The following AGR3 variants were observed in gnomAD, a reference collection of about 807,000 sequenced individuals.
AGR3 encodes the protein anterior gradient protein 3.
AGR3 carries 37 observed loss-of-function variants against 24.5 expected under a neutral mutation model. The observed-to-expected ratio is 1.51, with a 90% CI of 1.16 to 1.99. The LOEUF is 1.99. AGR3 is among the 30% of genes most tolerant of loss of function. The pLI is 0.00. For synonymous variants in AGR3, 75 were observed against 61.6 expected, an observed-to-expected ratio of 1.22 and a Z score of -1.02; for missense variants, 228 against 191.1, an observed-to-expected ratio of 1.19 and a Z score of -1.14.
intron 3 of AGR3, chr7:16,864,296 T>C: frequency 1.5e-6 from 2 of 1,354,236 alleles, no homozygotes; most frequent in Non-Finnish European, 2.1e-6. Flanking sequence ...TCTTCTATTA[T>C]TATATTTTCT....
intron 2 of AGR3, among the ~76,000 whole-genome samples, chr7:16,877,858 G>A (rs1415511898): frequency 3.0e-4 from 13 of 42,642 alleles, no homozygotes; most frequent in African/African-American, 7.0e-4. Flanking sequence ...GCAAGACTCC[G>A]TCTCAAAAAA....
rs1248541920 is a variant in AGR3, at chr7:16,881,833, C to T, written c.-28+111G>A. The stretch of plus-strand genomic sequence containing the variant: ...AAAGAAGAAAAATAAAAATTCATTT[C>T]ACTTTCCTACCCTTTACTGAAAGCT... On this transcript the variant is annotated intron_variant, in intron 1 of 7. Coordinates refer to ENST00000310398, the MANE Select transcript of AGR3 (RefSeq NM_176813.5). 1.5e-5 allele frequency: 6 copies of T among 400,488 alleles called. No individual in the cohort carries two copies. The Admixed American group carries it at 1.5e-4, about 10-fold the overall frequency. The allele number at this position is 400,488 out of a possible 1,614,324, so 24.8% of individuals were successfully genotyped here.
rs560833788 is a variant in AGR3 at position 16,870,818 on chromosome 7, G to A, written c.173+2962C>T. ...TAATATGTTGTTTGTTTGTTACACC[G>A]ATATTTGGAAGTGAGATTCTTCTGT... On this transcript the variant is annotated intron_variant, in intron 3 of 7. Coordinates refer to ENST00000310398, the MANE Select transcript of AGR3 (RefSeq NM_176813.5). 4.6e-5 allele frequency among the ~76,000 whole-genome samples: 7 copies of A among 152,146 alleles called. No individual in the cohort carries two copies. The East Asian group carries it at 9.6e-4, about 21-fold the overall frequency.
chr7:16,873,776 T>C lies in AGR3; in HGVS notation c.173+4A>G, dbSNP rs757715981. 10 of 1,606,014 alleles carry C rather than the reference T, an allele frequency of 6.2e-6. No homozygotes were observed. Among genetic ancestry groups the C allele is most frequent in the Non-Finnish European group, 8.5e-6 (10 of 1,173,086 alleles). On this transcript the variant is annotated splice_donor_region_variant and intron_variant, in intron 3 of 7. Transcript: ENST00000310398. ...GGAAAAAAATGAGCTGAGAAGCATG[T>C]TACCTTTTTTGAGCATAAAAGAGAC...
rs187669149 is a variant in AGR3, at chr7:16,862,339, T to C, written c.226+271A>G. Among the ~76,000 whole-genome samples, 57 of 152,280 alleles carry C rather than the reference T, an allele frequency of 3.7e-4. No homozygotes were observed. In the East Asian group the frequency reaches 0.011, roughly 28 times the overall value. Reference sequence around the variant, plus strand: ...GGTTAAGACAACGACTTTTTTTCAGTGTTTCTACACCTTCTCAGCTCACCC... The same window carrying C: ...GGTTAAGACAACGACTTTTTTTCAGCGTTTCTACACCTTCTCAGCTCACCC... On this transcript the variant is annotated intron_variant, in intron 4 of 7. Transcript: ENST00000310398.
At chr7:16,868,344 G>A (rs1781800877) in intron 3 of AGR3, among the ~76,000 whole-genome samples, 1 of 151,946 alleles carries the variant, frequency 6.6e-6, no homozygotes, top group Non-Finnish European at 1.5e-5. Context: ...TAGTAGAGAT[G>A]GGGTTTCTCC....
chr7:16,877,468 G>A (rs138361465), intron 2 of AGR3, among the ~76,000 whole-genome samples: 123 of 151,678 alleles, frequency 8.1e-4, no homozygotes, highest in Non-Finnish European at 1.5e-3. Context: ...CAAACAAATG[G>A]TCAAGTACTT....
At chr7:16,862,792 C>A in intron 3 of AGR3, 130 bp from the exon 4 acceptor site, 1 of 613,356 alleles carries the variant, frequency 1.6e-6, no homozygotes. Flanking sequence ...CAAATCATAG[C>A]ACTATAGTCA....
Position 16,861,464 on chromosome 7 carries a change from A to G in AGR3, c.304-17T>C, listed in dbSNP as rs1165071622. 2 of 1,594,186 alleles carry G rather than the reference A, an allele frequency of 1.3e-6. No individual in the cohort carries two copies. Among genetic ancestry groups the G allele is most frequent in the South Asian group, 1.1e-5 (1 of 87,960 alleles). ...GGTTTCATGCTAGCAGGAGAAGAAA[A>G]AAAAAGAATGTTATTGGATTCATTT... On this transcript the variant is annotated splice_polypyrimidine_tract_variant and intron_variant, in intron 5 of 7. Transcript: ENST00000310398.
intron 2 of AGR3, among the ~76,000 whole-genome samples, chr7:16,876,804 A>G (rs1781993599): frequency 6.6e-6 from 1 of 152,224 alleles, no homozygotes; most frequent in African/African-American, 2.4e-5. Context: ...TTTTCAAAAC[A>G]TTCAACAAGA....
intron 3 of AGR3, chr7:16,865,935 G>T: frequency 1.4e-6 from 1 of 699,994 alleles, no homozygotes; most frequent in Non-Finnish European, 2.7e-6. Flanking sequence ...TGTTTTGGTT[G>T]CCTTTCTAAG....
Position 16,865,917 on chromosome 7 carries a change from A to G in AGR3, c.174-3255T>C, listed in dbSNP as rs927919616. On this transcript the variant is annotated intron_variant, in intron 3 of 7. Coordinates refer to ENST00000310398, the MANE Select transcript of AGR3 (RefSeq NM_176813.5). ...GGAGGACCTGTTATTAATAAAATAGATCCATCCTGTTTTGGTTGCCTTTCT... is the reference window on the plus strand; with the variant it reads ...GGAGGACCTGTTATTAATAAAATAGGTCCATCCTGTTTTGGTTGCCTTTCT... The G allele has an allele frequency of 4.2e-6, 3 of 708,132 alleles. No individual in the cohort carries two copies. In the African/African-American group the frequency reaches 5.3e-5, roughly 13 times the overall value. 43.9% of individuals were successfully genotyped at this position (708,132 alleles called of 1,614,324 possible).
At chr7:16,866,156 AT>A (rs1196251845) in intron 3 of AGR3, 19 of 535,140 alleles carry the variant, frequency 3.6e-5, no homozygotes, top group Middle Eastern at 3.2e-4. Flanking sequence ...TAGAAGGCTC[AT>A]TTTTTTCTCT....
intron 3 of AGR3, among the ~76,000 whole-genome samples, chr7:16,871,662 G>C (rs1431522731): frequency 1.2e-4 from 18 of 152,200 alleles, no homozygotes; most frequent in African/African-American, 4.3e-4. Flanking sequence ...GGCCAACATG[G>C]TGAAACCCTG....
chr7:16,862,793 A>G (rs976134107), intron 3 of AGR3, 131 bp from the exon 4 acceptor site: 2 of 613,094 alleles, frequency 3.3e-6, no homozygotes, highest in Non-Finnish European at 5.6e-6. Context: ...AAATCATAGC[A>G]CTATAGTCAA....
rs1781599470 is a variant in AGR3, at chr7:16,859,488, C to A, written c.*94G>T. The A allele has an allele frequency of 3.8e-6, 3 of 792,364 alleles. No individual in the cohort carries two copies. The highest frequency in any genetic ancestry group is 2.7e-5 in the Admixed American group (1 of 36,422). 49.1% of individuals were successfully genotyped at this position (792,364 alleles called of 1,614,324 possible). A position where few individuals can be genotyped will look rare whatever the true frequency, so the allele number is the denominator to read the frequency against. On this transcript the variant is annotated 3_prime_UTR_variant, in exon 8 of 8. Transcript: ENST00000310398. ...AAACTAAATAGTAATATTACAAAATCTATATACTTGCACATTTAGTATTTG... is the reference window on the plus strand; with the variant it reads ...AAACTAAATAGTAATATTACAAAATATATATACTTGCACATTTAGTATTTG...
chr7:16,873,119 T>C (rs528099826), intron 3 of AGR3, among the ~76,000 whole-genome samples: 29 of 152,268 alleles, frequency 1.9e-4, no homozygotes, highest in African/African-American at 6.5e-4. Flanking sequence ...AAAAAATCAG[T>C]ATATCAAAGA....
chr7:16,864,810 T>C, intron 3 of AGR3: 1 of 915,924 alleles, frequency 1.1e-6, no homozygotes, highest in Non-Finnish European at 1.8e-6. Context: ...GTATCACACC[T>C]CTTGTAGCTA....
At chr7:16,881,310 G>T (rs1201837385) in intron 1 of AGR3, among the ~76,000 whole-genome samples, 2 of 152,258 alleles carry the variant, frequency 1.3e-5, no homozygotes, top group African/African-American at 4.8e-5. Flanking sequence ...GTTTTACATT[G>T]ATAAATTATA....
Sources: gnomAD v4.1 joint callset for allele counts (sites outside exome capture counted in the v4.1 genomes callset) on GRCh38, gnomAD v4.1.1 for gene constraint, MANE v1.5 for transcripts, NCBI Gene and HGNC (gene_info 2026-07-23, HGNC 2026-07-21) for gene names.